The following BMPR2 variants were observed in gnomAD, a reference collection of about 807,000 sequenced individuals.
BMPR2 encodes bone morphogenetic protein receptor type 2.
In BMPR2, 29 loss-of-function variants were observed where a neutral mutation model predicts 100.8. The observed-to-expected ratio is 0.29, with a 90% CI of 0.21 to 0.39. BMPR2 has a LOEUF of 0.39. Among genes scored for constraint, BMPR2 ranks in the 10% least tolerant of loss-of-function variants. The pLI, the probability that BMPR2 is intolerant of heterozygous loss-of-function variation, is 1.00. For missense variants in BMPR2, 1,011 were observed against 1,274.5 expected (o/e 0.79, Z 3.15); for synonymous variants, 382 against 442.3 (o/e 0.86, Z 1.71).
At chr2:202,392,416 C>A (rs926577900) in intron 1 of BMPR2, among the ~76,000 whole-genome samples, 1 of 151,970 alleles carries the variant, frequency 6.6e-6, no homozygotes, top group African/African-American at 2.4e-5. Context: ...CTTACATAGT[C>A]AAGTTGTCTT....
chr2:202,535,027 G>C (rs1327516611), intron 9 of BMPR2, among the ~76,000 whole-genome samples: 6 of 144,036 alleles, frequency 4.2e-5, no homozygotes, highest in African/African-American at 1.5e-4. Context: ...GGCTGGCCGG[G>C]CGGGTGGCTG....
intron 1 of BMPR2, among the ~76,000 whole-genome samples, chr2:202,391,871 C>T (rs1392722075): frequency 6.6e-6 from 1 of 151,776 alleles, no homozygotes; most frequent in African/African-American, 2.4e-5. Context: ...AAGCGATTCT[C>T]CTACCTCAAC....
At chr2:202,475,974 C>T (rs1474329348) in intron 3 of BMPR2, among the ~76,000 whole-genome samples, 1 of 150,754 alleles carries the variant, frequency 6.6e-6, no homozygotes, top group Non-Finnish European at 1.5e-5. Flanking sequence ...CTTGGGAGGC[C>T]AAGGCAGGAG....
chr2:202,447,636 C>T (rs536347827), intron 1 of BMPR2, among the ~76,000 whole-genome samples: 1 of 150,862 alleles, frequency 6.6e-6, no homozygotes, highest in African/African-American at 2.5e-5. Flanking sequence ...GCTGTGATTG[C>T]ACCATTGCAC....
intron 9 of BMPR2, among the ~76,000 whole-genome samples, chr2:202,533,621 G>T (rs78043284): frequency 0.11 from 16,671 of 152,122 alleles, 1,070 homozygotes; most frequent in Non-Finnish European, 0.14. Context: ...TCAGAAGTTC[G>T]AGACCAGCCT....
chr2:202,463,615 G>A (rs968545831), intron 1 of BMPR2, among the ~76,000 whole-genome samples: 1 of 152,158 alleles, frequency 6.6e-6, no homozygotes, highest in African/African-American at 2.4e-5. Flanking sequence ...CATTAGGAAA[G>A]CCTACTGTAA....
At chr2:202,412,206 A>G (rs990933951) in intron 1 of BMPR2, among the ~76,000 whole-genome samples, 1 of 152,218 alleles carries the variant, frequency 6.6e-6, no homozygotes, top group Admixed American at 6.5e-5. Context: ...AATCTTAAAT[A>G]TATTTAAGAT....
At chr2:202,456,265 G>A (rs1692101102) in intron 1 of BMPR2, among the ~76,000 whole-genome samples, 1 of 150,578 alleles carries the variant, frequency 6.6e-6, no homozygotes, top group South Asian at 2.1e-4. Flanking sequence ...TCCGCCTCCC[G>A]AGTTCAAATG....
intron 1 of BMPR2, among the ~76,000 whole-genome samples, chr2:202,443,912 T>C (rs1691797478): frequency 6.6e-6 from 1 of 150,446 alleles, no homozygotes; most frequent in South Asian, 2.1e-4. Flanking sequence ...GAGCCATATG[T>C]GCATTGTAAG....
chr2:202,561,997 GTTATTATTCTTCTA>G lies in BMPR2; in HGVS notation c.*2055_*2068del, dbSNP rs1688685110. ...CTTCTGGCACGTAATTTTTTTCACA[GTTATTATTCTTCTA>G]TTAACAAATTATTTTTATCTTTCCT... On this transcript the variant is annotated 3_prime_UTR_variant, in exon 13 of 13. Coordinates refer to ENST00000374580, the MANE Select transcript of BMPR2 (RefSeq NM_001204.7). 1 of 151,982 alleles carries G rather than the reference GTTATTATTCTTCTA, an allele frequency of 6.6e-6. No individual in the cohort carries two copies. The highest frequency in any genetic ancestry group is 2.4e-5 in the African/African-American group (1 of 41,374). 9.4% of individuals were successfully genotyped at this position (151,982 alleles called of 1,614,324 possible).
intron 3 of BMPR2, among the ~76,000 whole-genome samples, chr2:202,476,205 A>T (rs555915438): frequency 2.6e-5 from 4 of 151,846 alleles, no homozygotes; most frequent in African/African-American, 9.7e-5. Context: ...AATAATTTCC[A>T]TGTCTTTATT....
At chr2:202,506,143 C>T (rs1249643629) in intron 3 of BMPR2, among the ~76,000 whole-genome samples, 1 of 151,742 alleles carries the variant, frequency 6.6e-6, no homozygotes, top group African/African-American at 2.4e-5. Flanking sequence ...CCTGTGTCTC[C>T]TCTTTTTTAA....
At chr2:202,470,693 A>G (rs994878867) in intron 3 of BMPR2, among the ~76,000 whole-genome samples, 1 of 149,508 alleles carries the variant, frequency 6.7e-6, no homozygotes, top group African/African-American at 2.5e-5. Context: ...GAACCCGGGA[A>G]GCGGAGCTTG....
intron 1 of BMPR2, among the ~76,000 whole-genome samples, chr2:202,387,905 A>T (rs1421168772): frequency 1.3e-5 from 2 of 152,212 alleles, no homozygotes; most frequent in Non-Finnish European, 2.9e-5. Flanking sequence ...CAGTCAAATG[A>T]TATGAAGAGA....
chr2:202,565,646 C>T lies in BMPR2; in HGVS notation c.*5700C>T, dbSNP rs1688748221. 6.6e-6 allele frequency: 1 copy of T among 152,536 alleles called. No homozygotes were observed. Among genetic ancestry groups the T allele is most frequent in the Non-Finnish European group, 1.5e-5 (1 of 67,988 alleles). 9.4% of individuals were successfully genotyped at this position (152,536 alleles called of 1,614,324 possible). On this transcript the variant is annotated 3_prime_UTR_variant, in exon 13 of 13. Coordinates refer to ENST00000374580, the MANE Select transcript of BMPR2 (RefSeq NM_001204.7). ...GCTTAGTTTTATGATTGAGCCACAACCTTTTACATATTTTTTGTATGAAAT... is the reference window on the plus strand; with the variant it reads ...GCTTAGTTTTATGATTGAGCCACAATCTTTTACATATTTTTTGTATGAAAT...
At chr2:202,418,765 C>A (rs528454436) in intron 1 of BMPR2, among the ~76,000 whole-genome samples, 2 of 152,280 alleles carry the variant, frequency 1.3e-5, no homozygotes, top group East Asian at 3.9e-4. Context: ...TTCCTTGTAG[C>A]AGGCTTCACA....
Position 202,513,749 on chromosome 2 carries a change from C to T in BMPR2, c.449C>T (p.Thr150Ile), listed in dbSNP as rs1687663966. Residue 150 changes from threonine (T) to isoleucine (I), a missense_variant, in exon 4 of 13, where the codon ACA becomes ATA. By Grantham distance (89) the Thr-to-Ile change is moderately conservative. Transcript: ENST00000374580. ...SPPHSFNRDE[T>I]IIIALASVSV... ...CCTCATTCATTTAACCGAGATGAGACAATAATCATTGCTTTGGCATCAGTC... is the reference window on the plus strand; with the variant it reads ...CCTCATTCATTTAACCGAGATGAGATAATAATCATTGCTTTGGCATCAGTC... 1 of 1,613,104 alleles carries T rather than the reference C, an allele frequency of 6.2e-7. No individual in the cohort carries two copies. The highest frequency in any genetic ancestry group is 1.3e-5 in the African/African-American group (1 of 74,880).
chr2:202,520,020 T>C (rs774770184), intron 6 of BMPR2, 67 bp from the exon 7 acceptor site: 186 of 1,015,386 alleles, frequency 1.8e-4, no homozygotes, highest in Non-Finnish European at 2.7e-4. Flanking sequence ...AGGATGCTAA[T>C]TTACTCTTCA....
At chr2:202,481,468 C>T (rs1034961816) in intron 3 of BMPR2, among the ~76,000 whole-genome samples, 1 of 152,128 alleles carries the variant, frequency 6.6e-6, no homozygotes, top group East Asian at 1.9e-4. Flanking sequence ...CGAGAGACAC[C>T]GTGCCTGGCC....
Sources: allele counts gnomAD v4.1 joint callset (sites outside exome capture counted in the v4.1 genomes callset), GRCh38; gene constraint gnomAD v4.1.1; transcripts MANE v1.5; gene names NCBI Gene and HGNC (gene_info 2026-07-23, HGNC 2026-07-21).